Variants in ADGRB3 observed in about 807,000 individuals in gnomAD.
The protein encoded by ADGRB3 is brain-specific angiogenesis inhibitor 3.
In ADGRB3, 37 loss-of-function variants were observed where a neutral mutation model predicts 193.4. The observed-to-expected ratio is 0.19, with a 90% CI of 0.15 to 0.25. ADGRB3 has a LOEUF of 0.25. Ranked by LOEUF, ADGRB3 falls within the 10% of genes least tolerant of loss-of-function variation. ADGRB3 has a pLI of 1.00. For synonymous variants in ADGRB3, 690 were observed against 644.2 expected (o/e 1.07, Z -1.08); for missense variants, 1,637 against 1,852.9 (o/e 0.88, Z 2.14).
chr6:68,927,228 C>T (rs1176415256), intron 3 of ADGRB3, among the ~76,000 whole-genome samples: 2 of 152,128 alleles, frequency 1.3e-5, no homozygotes, highest in Non-Finnish European at 2.9e-5. Flanking sequence ...CCATTGCTTT[C>T]ACCAAAGCAG....
intron 3 of ADGRB3, among the ~76,000 whole-genome samples, chr6:68,869,962 A>G (rs1765410844): frequency 1.3e-5 from 2 of 152,150 alleles, no homozygotes; most frequent in South Asian, 4.1e-4. Flanking sequence ...TATTTTTAGT[A>G]GAGACGGGAT....
intron 3 of ADGRB3, among the ~76,000 whole-genome samples, chr6:68,783,894 A>G (rs1766907893): frequency 6.6e-6 from 1 of 151,996 alleles, no homozygotes; most frequent in Non-Finnish European, 1.5e-5. Flanking sequence ...GGGAGTTTAA[A>G]TGTTACCTTC....
chr6:69,373,422 A>T (rs1179122138), intron 30 of ADGRB3, among the ~76,000 whole-genome samples: 1 of 152,166 alleles, frequency 6.6e-6, no homozygotes, highest in Middle Eastern at 3.4e-3. Context: ...TTTACCCTGA[A>T]TGGAGTCCAA....
Position 68,974,804 on chromosome 6 carries a change from G to A in ADGRB3, c.1567G>A (p.Val523Met), listed in dbSNP as rs894671098. 1 of 1,613,984 alleles carries A rather than the reference G, an allele frequency of 6.2e-7. No individual in the cohort carries two copies. The highest frequency in any genetic ancestry group is 8.5e-7 in the Non-Finnish European group (1 of 1,179,934). ...CCCTGAGGATTATCTGATGTCGATGGTGTGGAAAAGAACTCCAGCAGGCGA... is the reference window on the plus strand; with the variant it reads ...CCCTGAGGATTATCTGATGTCGATGATGTGGAAAAGAACTCCAGCAGGCGA... ...ICPEDYLMSM[V>M]WKRTPAGDLA... Residue 523 changes from valine to methionine, a missense_variant, in exon 9 of 32, where the codon GTG becomes ATG. Val to Met is a conservative substitution (Grantham distance 21). This residue lies in a region of ADGRB3 where 641 missense variants were observed against 673.9 expected (regional missense o/e 0.95). Transcript: ENST00000370598.
chr6:68,661,939 G>A (rs1768672588), intron 3 of ADGRB3, among the ~76,000 whole-genome samples: 1 of 151,360 alleles, frequency 6.6e-6, no homozygotes, highest in Non-Finnish European at 1.5e-5. Context: ...AAAGCAGTGT[G>A]ATCAGTTTGA....
At chr6:69,017,177 T>C (rs1446627344) in intron 12 of ADGRB3, among the ~76,000 whole-genome samples, 2 of 151,940 alleles carry the variant, frequency 1.3e-5, no homozygotes, top group African/African-American at 2.4e-5. Flanking sequence ...GTAAATATAC[T>C]GTAGATACTG....
At chr6:69,212,460 A>C (rs1182524524) in intron 17 of ADGRB3, among the ~76,000 whole-genome samples, 1 of 152,174 alleles carries the variant, frequency 6.6e-6, no homozygotes, top group African/African-American at 2.4e-5. Context: ...CACAATTTTC[A>C]AAAAGATTTT....
In ADGRB3 at chr6:69,056,196, T is replaced by G. The variant is rs893981926; in HGVS notation, c.2334-6738T>G. Among the ~76,000 whole-genome samples the G allele has an allele frequency of 5.9e-5, 9 of 152,244 alleles. No homozygotes were observed. In the East Asian group the frequency reaches 1.7e-3, roughly 29 times the overall value. ...GGTGATAACCCATTGTAGTTTTGAT[T>G]TGCATTTCTCTTATGATTAGTGATG... On this transcript the variant is annotated intron_variant, in intron 15 of 31. Transcript: ENST00000370598.
At chr6:68,686,799 G>A (rs953439845) in intron 3 of ADGRB3, among the ~76,000 whole-genome samples, 1 of 152,184 alleles carries the variant, frequency 6.6e-6, no homozygotes, top group Non-Finnish European at 1.5e-5. Context: ...CTTAAAATAA[G>A]TCATTTGTTT....
chr6:68,784,750 C>A (rs753306597), intron 3 of ADGRB3, among the ~76,000 whole-genome samples: 8 of 152,132 alleles, frequency 5.3e-5, no homozygotes, highest in Non-Finnish European at 1.0e-4. Context: ...ATTTTCCTGC[C>A]TTCTTTGATT....
At chr6:69,319,799 G>C (rs181070480) in intron 20 of ADGRB3, among the ~76,000 whole-genome samples, 1 of 151,042 alleles carries the variant, frequency 6.6e-6, no homozygotes, top group Non-Finnish European at 1.5e-5. Context: ...CTATTTTCCT[G>C]TGTCAGTCTT....
chr6:68,847,203 C>A (rs772659094), intron 3 of ADGRB3, among the ~76,000 whole-genome samples: 1 of 152,150 alleles, frequency 6.6e-6, no homozygotes, highest in Non-Finnish European at 1.5e-5. Flanking sequence ...TAGGAAGTAA[C>A]TAGCTTTCTT....
At chr6:68,782,784 T>G in intron 3 of ADGRB3, among the ~76,000 whole-genome samples, 2 of 151,948 alleles carry the variant, frequency 1.3e-5, no homozygotes, top group Admixed American at 6.6e-5. Flanking sequence ...TTGAGAAGTG[T>G]CTGTTCATAT....
At chr6:68,923,383 TA>T (rs1451824790) in intron 3 of ADGRB3, among the ~76,000 whole-genome samples, 1 of 151,972 alleles carries the variant, frequency 6.6e-6, no homozygotes, top group African/African-American at 2.4e-5. Flanking sequence ...TCAAGTACAA[TA>T]AAGATGTACC....
chr6:69,011,128 C>CAT (rs1209392232), intron 11 of ADGRB3, among the ~76,000 whole-genome samples: 2 of 116,686 alleles, frequency 1.7e-5, no homozygotes, highest in South Asian at 2.9e-4. Flanking sequence ...TGTATATATA[C>CAT]ATATATATGT....
intron 8 of ADGRB3, among the ~76,000 whole-genome samples, chr6:68,965,598 C>T (rs1031535042): frequency 6.6e-5 from 10 of 152,074 alleles, no homozygotes; most frequent in African/African-American, 2.4e-4. Context: ...GACAGAAAAT[C>T]AGTTTGAATA....
rs9346232 is a variant in ADGRB3, at chr6:68,661,538, C to T, written c.757+22106C>T. On this transcript the variant is annotated intron_variant, in intron 3 of 31. Coordinates refer to ENST00000370598, the MANE Select transcript of ADGRB3 (RefSeq NM_001704.3). ...GTGTATACATATATATATGTGTATA[C>T]ATATATATATATATATATATATATA... Among the ~76,000 whole-genome samples the T allele has an allele frequency of 8.5e-4, 78 of 91,702 alleles. No individual in the cohort carries two copies. In the East Asian group the frequency reaches 0.01, roughly 12 times the overall value. The allele number at this position is 91,702 out of a possible 152,430, so 60.2% of individuals were successfully genotyped here.
intron 8 of ADGRB3, among the ~76,000 whole-genome samples, chr6:68,959,295 A>T (rs371782031): frequency 6.6e-6 from 1 of 152,174 alleles, no homozygotes; most frequent in East Asian, 1.9e-4. Flanking sequence ...ATAAATTGAG[A>T]AAACTTTCAA....
intron 29 of ADGRB3, among the ~76,000 whole-genome samples, chr6:69,366,705 T>C (rs1562000805): frequency 6.6e-6 from 1 of 152,132 alleles, no homozygotes; most frequent in African/African-American, 2.4e-5. Context: ...ATGGTTTTCG[T>C]TGTGTGTTTA....
Sources: allele counts gnomAD v4.1 joint callset (sites outside exome capture counted in the v4.1 genomes callset), GRCh38; gene constraint gnomAD v4.1.1; regional missense constraint gnomAD v4.1.1; transcripts MANE v1.5; gene names NCBI Gene and HGNC (gene_info 2026-07-23, HGNC 2026-07-21).